SERPINE2: variants seen among roughly 807,000 people sequenced by gnomAD.
The protein encoded by SERPINE2 is serpin family E member 2.
SERPINE2 carries 14 observed loss-of-function variants against 36.3 expected under a neutral mutation model. The observed-to-expected ratio is 0.39, with a 90% CI of 0.25 to 0.60. The LOEUF (loss-of-function observed/expected upper bound fraction) is 0.60, where lower values mean the gene tolerates loss of function less well. Among genes scored for constraint, SERPINE2 ranks in the 20% least tolerant of loss-of-function variants. The pLI, the probability that SERPINE2 is intolerant of heterozygous loss-of-function variation, is 0.57. For synonymous variants in SERPINE2, 192 were observed against 191.8 expected (o/e 1.00, Z -0.01); for missense variants, 418 against 499.6 (o/e 0.84, Z 1.56).
intron 1 of SERPINE2, chr2:224,031,443 G>C (rs1485777801): frequency 9.1e-6 from 9 of 985,488 alleles, no homozygotes; most frequent in African/African-American, 1.7e-5. Context: ...CAGGCAGCAC[G>C]GTCCTCTCCA....
intron 1 of SERPINE2, among the ~76,000 whole-genome samples, chr2:224,038,206 G>A (rs985924725): frequency 6.6e-6 from 1 of 152,050 alleles, no homozygotes. Context: ...CTTGAAAGAG[G>A]AAGTCACACC....
intron 1 of SERPINE2, chr2:224,010,280 A>G: frequency 1.2e-6 from 1 of 867,894 alleles, no homozygotes; most frequent in Non-Finnish European, 1.4e-6. Flanking sequence ...TTCAAAGTGT[A>G]TGCTCATTCT....
intron 3 of SERPINE2, among the ~76,000 whole-genome samples, chr2:223,995,854 G>C (rs1349990628): frequency 2.0e-5 from 3 of 152,176 alleles, no homozygotes; most frequent in African/African-American, 7.2e-5. Flanking sequence ...CAATTATTCT[G>C]AGACTCTGAC....
chr2:224,021,653 A>G (rs10188383), intron 1 of SERPINE2, among the ~76,000 whole-genome samples: 21 of 152,344 alleles, frequency 1.4e-4, no homozygotes, highest in African/African-American at 5.1e-4. Context: ...AGCCACATCT[A>G]TCCCTACTGG....
At chr2:223,997,944 A>G (rs1690958225) in intron 3 of SERPINE2, among the ~76,000 whole-genome samples, 171 bp downstream of exon 3, 1 of 152,198 alleles carries the variant, frequency 6.6e-6, no homozygotes, top group Non-Finnish European at 1.5e-5. Flanking sequence ...CACAGTGAGC[A>G]ATGGCAGATT....
intron 1 of SERPINE2, among the ~76,000 whole-genome samples, chr2:224,007,714 T>C (rs2106174320): frequency 6.6e-6 from 1 of 152,364 alleles, no homozygotes; most frequent in South Asian, 2.1e-4. Context: ...CTCTTGCCTT[T>C]GTTTTTTTGG....
At chr2:223,997,628 G>C (rs1690941384) in intron 3 of SERPINE2, among the ~76,000 whole-genome samples, 1 of 152,120 alleles carries the variant, frequency 6.6e-6, no homozygotes, top group African/African-American at 2.4e-5. Flanking sequence ...CTGTAATCGG[G>C]GGGGTGTAAA....
chr2:223,998,162 G>A lies in SERPINE2; in HGVS notation c.440C>T (p.Ala147Val). The A allele has an allele frequency of 6.2e-7, 1 of 1,614,180 alleles. No homozygotes were observed. Among genetic ancestry groups the A allele is most frequent in the African/African-American group, 1.3e-5 (1 of 75,044 alleles). ...TGCATTGATGGAATCACAGGCAGAG[G>A]CTGGATCCTCAAAGTTCACATTCCG... ...EVRNVNFEDP[A>V]SACDSINAWV... Residue 147 changes from alanine to valine, a missense_variant, in exon 3 of 9, where the codon GCC becomes GTC. Transcript: ENST00000409304.
In SERPINE2 at chr2:223,984,949, C is replaced by A. The variant is rs947375909; in HGVS notation, c.687G>T (p.Gly229=). 1 of 1,614,140 alleles carries A rather than the reference C, an allele frequency of 6.2e-7. No homozygotes were observed. The stretch of plus-strand genomic sequence containing the variant: ...ATAAATCATTGGGGGCACTTGTCGA[C>A]CCTAAAGAAATCAGAAGCAGGTTCA... The part of the protein sequence containing the change: ...MLAQLSVFRC[G]STSAPNDLWY... Residue 229 remains glycine, a splice_region_variant and synonymous_variant, in exon 5 of 9, where the codon GGG becomes GGT. Transcript: ENST00000409304.
intron 7 of SERPINE2, 103 bp from the exon 8 acceptor site, chr2:223,977,730 T>C (rs1363908002): frequency 1.3e-5 from 10 of 763,396 alleles, no homozygotes; most frequent in Non-Finnish European, 2.1e-5. Flanking sequence ...GGCTGGTGTC[T>C]GAAGACACAC....
chr2:224,006,881 G>A (rs1427479385), intron 1 of SERPINE2, among the ~76,000 whole-genome samples: 1 of 152,146 alleles, frequency 6.6e-6, no homozygotes, highest in African/African-American at 2.4e-5. Context: ...CACCCCTTAT[G>A]GGCTGGGCAC....
At chr2:224,002,362 T>C (rs979912107) in intron 1 of SERPINE2, among the ~76,000 whole-genome samples, 1 of 152,176 alleles carries the variant, frequency 6.6e-6, no homozygotes, top group Non-Finnish European at 1.5e-5. Flanking sequence ...GACAGAACAG[T>C]GTAATTAAAT....
chr2:223,998,263 G>T lies in SERPINE2; in HGVS notation c.339C>A (p.Ala113=), dbSNP rs757528320. The part of the protein sequence containing the change: ...KNKDIVTVAN[A]VFVKNASEIE... Reference sequence around the variant, plus strand: ...TTTCAGAGGCATTCTTAACAAACACGGCGTTAGCCACTGTCACAATGTCTT... The same window carrying T: ...TTTCAGAGGCATTCTTAACAAACACTGCGTTAGCCACTGTCACAATGTCTT... Residue 113 remains alanine (A), a synonymous_variant, in exon 3 of 9, where the codon GCC becomes GCA. Coordinates refer to ENST00000409304, the MANE Select transcript of SERPINE2 (RefSeq NM_001136528.2). The T allele has an allele frequency of 6.2e-7, 1 of 1,614,126 alleles. No homozygotes were observed.
At chr2:223,988,258 T>A (rs752309308) in intron 4 of SERPINE2, among the ~76,000 whole-genome samples, 1 of 152,182 alleles carries the variant, frequency 6.6e-6, no homozygotes, top group Non-Finnish European at 1.5e-5. Context: ...CATCTCAACA[T>A]CCTGGGCTCA....
chr2:223,985,157 A>C (rs2106140650), intron 4 of SERPINE2: 2 of 578,438 alleles, frequency 3.5e-6, no homozygotes, highest in Admixed American at 6.4e-5. Context: ...TCTAGACAGA[A>C]TGCCTTTGGG....
chr2:224,004,617 T>C (rs1272398682), intron 1 of SERPINE2, among the ~76,000 whole-genome samples: 1 of 152,164 alleles, frequency 6.6e-6, no homozygotes, highest in African/African-American at 2.4e-5. Flanking sequence ...ATTCATTCCA[T>C]CTAAAAACTA....
chr2:224,003,787 C>CTAAGGGGA (rs1458506619), intron 1 of SERPINE2, among the ~76,000 whole-genome samples: 5 of 152,242 alleles, frequency 3.3e-5, no homozygotes, highest in Non-Finnish European at 7.3e-5. Context: ...CAAGCTCCTG[C>CTAAGGGGA]TAAGCACAGT....
At chr2:223,991,102 C>T (rs980323751) in intron 4 of SERPINE2, among the ~76,000 whole-genome samples, 12 of 152,102 alleles carry the variant, frequency 7.9e-5, no homozygotes, top group African/African-American at 1.9e-4. Context: ...TTTACATAAG[C>T]GAGATTGATA....
At position 223,982,492 on chromosome 2, in the gene SERPINE2, G is replaced by A. The variant is rs1215993831; in HGVS notation, c.985+189C>T. ...AACTATTGAAATAAAAAGATAAAAGGAAAAAATAAATAAATGAAGGTCAAT... is the reference window on the plus strand; with the variant it reads ...AACTATTGAAATAAAAAGATAAAAGAAAAAAATAAATAAATGAAGGTCAAT... On this transcript the variant is annotated intron_variant, in intron 6 of 8. Coordinates refer to ENST00000409304, the MANE Select transcript of SERPINE2 (RefSeq NM_001136528.2). 1.2e-5 allele frequency: 6 copies of A among 482,206 alleles called. No individual in the cohort carries two copies. In the South Asian group the frequency reaches 1.6e-4, roughly 13 times the overall value. The allele number at this position is 482,206 out of a possible 1,614,324, so 29.9% of individuals were successfully genotyped here.
Sources: allele counts gnomAD v4.1 joint callset (sites outside exome capture counted in the v4.1 genomes callset), GRCh38; gene constraint gnomAD v4.1.1; transcripts MANE v1.5; gene names NCBI Gene and HGNC (gene_info 2026-07-23, HGNC 2026-07-21).